The following FCHSD2 variants were observed in gnomAD, a reference collection of about 807,000 sequenced individuals.
The protein encoded by FCHSD2 is FCH and double SH3 domains 2, also known as F-BAR and double SH3 domains protein 2.
Under a neutral mutation model 108.1 loss-of-function variants are expected in FCHSD2, and 38 were observed. The observed-to-expected ratio is 0.35, with a 90% CI of 0.27 to 0.46. The LOEUF is 0.46. FCHSD2 is among the 20% of genes least tolerant of loss of function. The pLI is 1.00. For missense variants in FCHSD2, 751 were observed against 897.8 expected (o/e 0.84, Z 2.09); for synonymous variants, 279 against 314.7 (o/e 0.89, Z 1.20).
intron 2 of FCHSD2, among the ~76,000 whole-genome samples, chr11:73,136,790 G>A (rs1861129390): frequency 6.6e-6 from 1 of 152,132 alleles, no homozygotes; most frequent in Non-Finnish European, 1.5e-5. Context: ...AGCACTTTGG[G>A]AGGCCGAGGC....
At chr11:73,053,252 AC>A (rs774399638) in intron 3 of FCHSD2, among the ~76,000 whole-genome samples, 1 of 151,890 alleles carries the variant, frequency 6.6e-6, no homozygotes, top group Non-Finnish European at 1.5e-5. Flanking sequence ...TTTGATAAAA[AC>A]ATTTTCAAAT....
At chr11:73,112,473 T>C (rs1860508522) in intron 2 of FCHSD2, among the ~76,000 whole-genome samples, 1 of 152,222 alleles carries the variant, frequency 6.6e-6, no homozygotes, top group South Asian at 2.1e-4. Flanking sequence ...GGTAGTCTTC[T>C]TTGGGCTGAA....
At chr11:73,091,357 G>A (rs957299496) in intron 2 of FCHSD2, among the ~76,000 whole-genome samples, 4 of 152,138 alleles carry the variant, frequency 2.6e-5, no homozygotes, top group East Asian at 1.9e-4. Context: ...TGGCCAACAT[G>A]GTGAAACCCC....
chr11:72,908,598 C>G (rs1855683887), intron 9 of FCHSD2, among the ~76,000 whole-genome samples: 1 of 152,164 alleles, frequency 6.6e-6, no homozygotes, highest in African/African-American at 2.4e-5. Context: ...GATATAATAT[C>G]TTACTGTAGT....
intron 10 of FCHSD2, among the ~76,000 whole-genome samples, chr11:72,901,341 G>A (rs1855522388): frequency 6.6e-6 from 1 of 152,038 alleles, no homozygotes. Flanking sequence ...GGGCTGTAGT[G>A]AGCTGAGATC....
chr11:73,119,407 T>G (rs1453467338), intron 2 of FCHSD2, among the ~76,000 whole-genome samples: 1 of 152,210 alleles, frequency 6.6e-6, no homozygotes, highest in East Asian at 1.9e-4. Flanking sequence ...CTTTAAAATT[T>G]TTATGTGCTT....
intron 9 of FCHSD2, among the ~76,000 whole-genome samples, chr11:72,906,860 T>C (rs1470677155): frequency 6.6e-6 from 1 of 152,242 alleles, no homozygotes; most frequent in East Asian, 1.9e-4. Flanking sequence ...GGTAGCACGA[T>C]GTCTCCAGCT....
chr11:73,011,714 T>C (rs1857867771), intron 4 of FCHSD2, among the ~76,000 whole-genome samples: 1 of 152,192 alleles, frequency 6.6e-6, no homozygotes. Flanking sequence ...GGCTCTTCCA[T>C]GGCCAGCACT....
intron 3 of FCHSD2, among the ~76,000 whole-genome samples, chr11:73,044,224 T>A (rs1223884070): frequency 6.6e-6 from 1 of 152,182 alleles, no homozygotes; most frequent in Non-Finnish European, 1.5e-5. Context: ...TAAAATTCTA[T>A]GATTATTGCC....
At chr11:73,093,724 C>T (rs1035437265) in intron 2 of FCHSD2, among the ~76,000 whole-genome samples, 1 of 152,096 alleles carries the variant, frequency 6.6e-6, no homozygotes, top group Non-Finnish European at 1.5e-5. Context: ...GCCTCAGCCT[C>T]CCAAGTAGCT....
At chr11:72,940,504 G>A in intron 8 of FCHSD2, 1 of 796,728 alleles carries the variant, frequency 1.3e-6, no homozygotes, top group Non-Finnish European at 2.2e-6. Context: ...CAAGATGGGT[G>A]CATACCCGCA....
intron 2 of FCHSD2, among the ~76,000 whole-genome samples, chr11:73,087,379 T>C (rs1859844781): frequency 6.6e-6 from 1 of 152,076 alleles, no homozygotes; most frequent in African/African-American, 2.4e-5. Flanking sequence ...AAAGTTACAG[T>C]GAGCTAAGGT....
chr11:72,934,532 C>T (rs1373106923), intron 8 of FCHSD2, among the ~76,000 whole-genome samples: 1 of 152,030 alleles, frequency 6.6e-6, no homozygotes, highest in African/African-American at 2.4e-5. Context: ...CAAGGTTTCA[C>T]TATGTTGGCC....
At chr11:72,879,188 T>A (rs991368633) in intron 12 of FCHSD2, among the ~76,000 whole-genome samples, 1 of 152,176 alleles carries the variant, frequency 6.6e-6, no homozygotes, top group Non-Finnish European at 1.5e-5. Flanking sequence ...ACTTGGTGTA[T>A]ACCCACGGCA....
At chr11:73,066,271 T>C (rs965953034) in intron 3 of FCHSD2, among the ~76,000 whole-genome samples, 10 of 152,088 alleles carry the variant, frequency 6.6e-5, no homozygotes, top group African/African-American at 2.4e-4. Flanking sequence ...TTAATAAATG[T>C]TGTTGGGAAA....
At chr11:72,959,475 T>C (rs1856782361) in intron 8 of FCHSD2, among the ~76,000 whole-genome samples, 1 of 12,994 alleles carries the variant, frequency 7.7e-5, no homozygotes, top group Admixed American at 1.6e-3. Context: ...GACCTCATGA[T>C]CCGCCCGCCT....
At chr11:73,079,012 C>T (rs1859621344) in intron 3 of FCHSD2, among the ~76,000 whole-genome samples, 1 of 152,130 alleles carries the variant, frequency 6.6e-6, no homozygotes, top group Admixed American at 6.6e-5. Flanking sequence ...CGCTACCGCA[C>T]CTGGCCTGCT....
chr11:72,845,012 A>G (rs1288931695), intron 14 of FCHSD2, among the ~76,000 whole-genome samples: 1 of 152,210 alleles, frequency 6.6e-6, no homozygotes, highest in East Asian at 1.9e-4. Flanking sequence ...CATTTTTGTA[A>G]TAAAAATGTT....
chr11:72,849,951 A>G, intron 13 of FCHSD2, 62 bp from the exon 14 acceptor site: 1 of 1,314,394 alleles, frequency 7.6e-7, no homozygotes. Context: ...TGAAAGCCGG[A>G]AAAACACTTA....
Sources: allele counts gnomAD v4.1 joint callset (sites outside exome capture counted in the v4.1 genomes callset), GRCh38; gene constraint gnomAD v4.1.1; transcripts MANE v1.5; gene names NCBI Gene and HGNC (gene_info 2026-07-23, HGNC 2026-07-21).